CHD9: variants seen among roughly 807,000 people sequenced by gnomAD.
CHD9 encodes ATP-dependent chromatin remodeler CHD9.
Under a neutral mutation model 316.1 loss-of-function variants are expected in CHD9, and 77 were observed. The observed-to-expected ratio is 0.24, with a 90% confidence interval of 0.20 to 0.29. The LOEUF is 0.29. Among genes scored for constraint, CHD9 ranks in the 10% least tolerant of loss-of-function variants. CHD9 has a pLI of 1.00. For synonymous variants in CHD9, 1,129 were observed against 1,158.3 expected, an observed-to-expected ratio of 0.97 and a Z score of 0.51; for missense variants, 2,763 against 3,438.1, an observed-to-expected ratio of 0.80 and a Z score of 4.91.
intron 1 of CHD9, among the ~76,000 whole-genome samples, chr16:53,097,367 C>T (rs1273946041): frequency 6.8e-6 from 1 of 147,146 alleles, no homozygotes; most frequent in Non-Finnish European, 1.5e-5. Flanking sequence ...TTCCTTCCTT[C>T]CTTCCTTCCT....
Position 53,308,819 on chromosome 16 carries a change from G to T in CHD9, c.7187G>T (p.Ser2396Ile). The T allele has an allele frequency of 6.2e-6, 10 of 1,613,724 alleles. No homozygotes were observed. Among genetic ancestry groups the T allele is most frequent in the Non-Finnish European group, 7.6e-6 (9 of 1,179,770 alleles). ...LRELQSASET[S>I]LVNFPKSIPV... is the part of the protein sequence containing the mutation. ...GAGCTTCAAAGTGCATCAGAGACCA[G>T]CCTCGTCAATTTCCCAAAATCCATA... Residue 2396 changes from serine (S) to isoleucine (I), a missense_variant, in exon 34 of 39, where the codon AGC becomes ATC. Around this residue, in one of 15 missense-constraint regions of CHD9, gnomAD observed 663 missense variants for 751.2 expected, o/e 0.88. Transcript: ENST00000447540.
intron 2 of CHD9, among the ~76,000 whole-genome samples, chr16:53,171,029 T>C (rs947875526): frequency 1.6e-4 from 25 of 152,070 alleles, no homozygotes; most frequent in Admixed American, 1.3e-4. Flanking sequence ...ACAGATAATA[T>C]ATATAATAAT....
intron 2 of CHD9, among the ~76,000 whole-genome samples, chr16:53,191,811 A>T (rs931547404): frequency 6.6e-6 from 1 of 152,094 alleles, no homozygotes; most frequent in Non-Finnish European, 1.5e-5. Context: ...ACTGGGTCAC[A>T]AGTTTATGTG....
At chr16:53,293,337 G>A (rs1055116025) in intron 29 of CHD9, among the ~76,000 whole-genome samples, 1 of 152,134 alleles carries the variant, frequency 6.6e-6, no homozygotes, top group African/African-American at 2.4e-5. Context: ...ATAAATAACT[G>A]GGCACAGTGG....
intron 2 of CHD9, among the ~76,000 whole-genome samples, chr16:53,188,487 C>CT (rs979948930): frequency 1.4e-5 from 2 of 138,870 alleles, no homozygotes; most frequent in African/African-American, 5.5e-5. Flanking sequence ...GTTTTTATGT[C>CT]TTTTTTTTAT....
At chr16:53,283,233 A>G (rs2053574929) in intron 24 of CHD9, among the ~76,000 whole-genome samples, 1 of 152,204 alleles carries the variant, frequency 6.6e-6, no homozygotes, top group South Asian at 2.1e-4. Flanking sequence ...TTGCATGTCC[A>G]TCTTTACAAG....
intron 27 of CHD9, 41 bp downstream of exon 27, chr16:53,288,055 A>G: frequency 1.4e-6 from 2 of 1,434,930 alleles, no homozygotes; most frequent in Non-Finnish European, 2.0e-6. Context: ...AATTTTAGGT[A>G]TTCTTTGGTT....
chr16:53,149,507 C>T (rs2040910660), intron 1 of CHD9, among the ~76,000 whole-genome samples: 1 of 150,500 alleles, frequency 6.6e-6, no homozygotes. Context: ...GATTGAGTCT[C>T]TTTCATCAGT....
intron 2 of CHD9, among the ~76,000 whole-genome samples, chr16:53,177,961 G>A (rs1340562166): frequency 6.6e-6 from 1 of 152,174 alleles, no homozygotes; most frequent in Admixed American, 6.5e-5. Context: ...ATGTATGTAA[G>A]TGCCATCTTT....
intron 2 of CHD9, among the ~76,000 whole-genome samples, chr16:53,175,006 G>A (rs942975106): frequency 9.2e-5 from 14 of 152,026 alleles, no homozygotes; most frequent in Non-Finnish European, 1.3e-4. Flanking sequence ...TTTTTAGCCC[G>A]GACCAGCGCA....
chr16:53,078,313 A>T (rs1302277230), intron 1 of CHD9, among the ~76,000 whole-genome samples: 1 of 152,082 alleles, frequency 6.6e-6, no homozygotes, highest in Non-Finnish European at 1.5e-5. Flanking sequence ...TCTTGAATTG[A>T]TTCATGATGT....
chr16:53,075,240 G>A (rs756905060), intron 1 of CHD9, among the ~76,000 whole-genome samples: 1 of 152,142 alleles, frequency 6.6e-6, no homozygotes, highest in African/African-American at 2.4e-5. Flanking sequence ...TACCCCCATT[G>A]TATCTAGGAA....
At chr16:53,208,575 C>A in intron 2 of CHD9, 1 of 1,021,884 alleles carries the variant, frequency 9.8e-7, no homozygotes, top group South Asian at 3.4e-5. Context: ...CCCAGTGCTG[C>A]AGTGCTGCTA....
chr16:53,321,499 A>G lies in CHD9; in HGVS notation c.7714-27A>G, dbSNP rs761055081. 14 of 1,516,210 alleles carry G rather than the reference A, an allele frequency of 9.2e-6. No individual in the cohort carries two copies. In the African/African-American group the frequency reaches 1.4e-4, roughly 15 times the overall value. 93.9% of individuals were successfully genotyped at this position (1,516,210 alleles called of 1,614,324 possible). On this transcript the variant is annotated intron_variant, in intron 37 of 38. Coordinates refer to ENST00000447540, the MANE Select transcript of CHD9 (RefSeq NM_001308319.2). ...AGAGTTTTCTATGTAACAGTGTTGT[A>G]GTATTTAATCTGTTTCTAATTTACA...
chr16:53,082,860 C>T (rs940948900), intron 1 of CHD9, among the ~76,000 whole-genome samples: 8 of 152,220 alleles, frequency 5.3e-5, no homozygotes, highest in Admixed American at 3.9e-4. Context: ...CTCCTCTCTG[C>T]CCTGTCAGGT....
At chr16:53,273,582 T>A (rs1174697142) in intron 22 of CHD9, 44 bp from the exon 23 acceptor site, 1 of 1,449,118 alleles carries the variant, frequency 6.9e-7, no homozygotes, top group Admixed American at 2.6e-5. Context: ...GATTGCAAAT[T>A]TTTATACAAA....
intron 38 of CHD9, among the ~76,000 whole-genome samples, chr16:53,323,724 T>A (rs1440448243): frequency 1.3e-5 from 2 of 152,040 alleles, no homozygotes; most frequent in East Asian, 1.9e-4. Flanking sequence ...CATGAAAAAA[T>A]TTTTTTGGAC....
At chr16:53,320,679 A>G (rs1336444870) in intron 37 of CHD9, among the ~76,000 whole-genome samples, 1 of 152,212 alleles carries the variant, frequency 6.6e-6, no homozygotes, top group Non-Finnish European at 1.5e-5. Context: ...ATTGGTAGGT[A>G]TAAATCACTT....
rs1423741996 is a variant in CHD9, at chr16:53,209,542, G to A, written c.1513G>A (p.Val505Met). ...GTYTKLQNTQ[V>M]RVMSEKKQRK... ...ATATACTAAGTTGCAGAATACCCAG[G>A]TGAGGGTCATGTCTGAGAAGAAGCA... Residue 505 changes from valine (V) to methionine (M), a missense_variant, in exon 3 of 39, where the codon GTG becomes ATG. Val to Met is a conservative substitution (Grantham distance 21, BLOSUM62 1). Transcript: ENST00000447540. The A allele has an allele frequency of 6.2e-7, 1 of 1,613,776 alleles. No individual in the cohort carries two copies. Among genetic ancestry groups the A allele is most frequent in the Non-Finnish European group, 8.5e-7 (1 of 1,179,732 alleles).
Sources: allele counts gnomAD v4.1 joint callset (sites outside exome capture counted in the v4.1 genomes callset), GRCh38; gene constraint gnomAD v4.1.1; regional missense constraint gnomAD v4.1.1; transcripts MANE v1.5; gene names NCBI Gene and HGNC (gene_info 2026-07-23, HGNC 2026-07-21).